Variants in OBP2A observed in about 807,000 individuals in gnomAD.
The protein encoded by OBP2A is odorant-binding protein 2a.
In OBP2A, 15 loss-of-function variants were observed where a neutral mutation model predicts 21.9. The observed-to-expected ratio is 0.69, with a 90% CI of 0.46 to 1.06. The LOEUF (loss-of-function observed/expected upper bound fraction) is 1.06, where lower values mean the gene tolerates loss of function less well. Among genes scored for constraint, OBP2A ranks in the 50% least tolerant of loss-of-function variants. The probability of loss-of-function intolerance (pLI) is 0.00; values close to 1 mark genes in which losing one functional copy is unlikely to be tolerated. For missense variants in OBP2A, 192 were observed against 220.1 expected, an observed-to-expected ratio of 0.87 and a Z score of 0.81; for synonymous variants, 86 against 91.8, an observed-to-expected ratio of 0.94 and a Z score of 0.36.
At chr9:135,549,515 G>T in intron 6 of OBP2A, 184 bp downstream of exon 6, 1 of 646,668 alleles carries the variant, frequency 1.5e-6, no homozygotes, top group Non-Finnish European at 2.6e-6. Flanking sequence ...GAAGTCCTTT[G>T]TTTTACCATT....
Position 135,547,949 on chromosome 9 carries a change from G to A in OBP2A, c.356G>A (p.Arg119His), listed in dbSNP as rs1286045397. 1.9e-5 allele frequency: 31 copies of A among 1,612,754 alleles called. No homozygotes were observed. The highest frequency in any genetic ancestry group is 1.8e-4 in the Admixed American group (11 of 59,900). The change falls in exon 4 of 7, where the codon CGT becomes CAT. Residue 119 changes from arginine (R) to histidine (H), a missense_variant. By Grantham distance (29) the Arg-to-His change is conservative. Coordinates refer to ENST00000371776, the MANE Select transcript of OBP2A (RefSeq NM_014582.3). Reference sequence around the variant, plus strand: ...GTCTTTTACTGCAAAGACCAGCGCCGTGGGGGCCTGCGCTACATGGGAAAG... The same window carrying A: ...GTCTTTTACTGCAAAGACCAGCGCCATGGGGGCCTGCGCTACATGGGAAAG... ...DYVFYCKDQR[R>H]GGLRYMGKLV...
rs890595016 is a variant in OBP2A at position 135,548,547 on chromosome 9, T to G, written c.389-161T>G. 8.5e-6 allele frequency: 8 copies of G among 944,704 alleles called. No homozygotes were observed. The Admixed American group carries it at 1.7e-4, about 20-fold the overall frequency. 58.5% of individuals were successfully genotyped at this position (944,704 alleles called of 1,614,324 possible). On this transcript the variant is annotated intron_variant, in intron 4 of 6. Transcript: ENST00000371776. ...TCCCCCTTGCCTGGTGCTGGACAGT[T>G]GCCATCTCTTCTGTCCCCAGCCCCA...
chr9:135,547,839 C>A, intron 3 of OBP2A, 32 bp from the exon 4 acceptor site: 1 of 1,485,830 alleles, frequency 6.7e-7, no homozygotes, highest in Non-Finnish European at 9.2e-7. Context: ...GGAATGAGGG[C>A]ACTGAAGACC....
Position 135,547,095 on chromosome 9 carries a change from G to A in OBP2A, c.207-83G>A, listed in dbSNP as rs909988039. Reference sequence around the variant, plus strand: ...GGGGCAGTGGAATTTTCAGGTTGCCGGGTCAGGGCCATGCACCAGGTGAGC... The same window carrying A: ...GGGGCAGTGGAATTTTCAGGTTGCCAGGTCAGGGCCATGCACCAGGTGAGC... On this transcript the variant is annotated intron_variant, in intron 2 of 6. Coordinates refer to ENST00000371776, the MANE Select transcript of OBP2A (RefSeq NM_014582.3). 261 of 1,501,754 alleles carry A rather than the reference G, an allele frequency of 1.7e-4. 12 individuals are homozygous for A. Among genetic ancestry groups the A allele is most frequent in the Middle Eastern group, 1.2e-3 (5 of 4,290 alleles). 93.0% of individuals were successfully genotyped at this position (1,501,754 alleles called of 1,614,324 possible). A position where few individuals can be genotyped will look rare whatever the true frequency, so the allele number is the denominator to read the frequency against.
Position 135,546,267 on chromosome 9 carries a change from C to T in OBP2A, c.72+15C>T, listed in dbSNP as rs374192976. On this transcript the variant is annotated intron_variant, in intron 1 of 6. Transcript: ENST00000371776. ...AGGAGGAGGATGTGAGCTGGGTTGG[C>T]GTGGGCGGATGGAGGAGCCAGGTGG... 5.2e-4 allele frequency: 779 copies of T among 1,490,080 alleles called. 6 individuals carry two copies. The African/African-American group carries it at 8.4e-3, about 16-fold the overall frequency. 92.3% of individuals were successfully genotyped at this position (1,490,080 alleles called of 1,614,324 possible).
intron 4 of OBP2A, among the ~76,000 whole-genome samples, chr9:135,548,423 G>C (rs1210398158): frequency 1.3e-5 from 2 of 148,964 alleles, no homozygotes; most frequent in Admixed American, 6.7e-5. Context: ...CTTGGACCCT[G>C]CCACTGTCCC....
At chr9:135,548,488 A>C (rs1588163785) in intron 4 of OBP2A, among the ~76,000 whole-genome samples, 1 of 150,038 alleles carries the variant, frequency 6.7e-6, no homozygotes, top group Admixed American at 6.6e-5. Flanking sequence ...CCCCAGTCCC[A>C]CCCCTGAGCT....
chr9:135,546,442 G>A (rs1364103459), intron 1 of OBP2A, among the ~76,000 whole-genome samples, 190 bp downstream of exon 1: 1 of 152,046 alleles, frequency 6.6e-6, no homozygotes, highest in African/African-American at 2.4e-5. Flanking sequence ...CAGGGCCGGA[G>A]CAGGCTCGGC....
chr9:135,547,161 T>C lies in OBP2A; in HGVS notation c.207-17T>C. On this transcript the variant is annotated splice_polypyrimidine_tract_variant and intron_variant, in intron 2 of 6. Coordinates refer to ENST00000371776, the MANE Select transcript of OBP2A (RefSeq NM_014582.3). ...TGTGTCCTGGGAGCCGCTGCCCGAG[T>C]GTCTCCTGTTTTCCAGGAGGGAGGA... is the stretch of plus-strand genomic sequence containing the variant. 1 of 1,610,882 alleles carries C rather than the reference T, an allele frequency of 6.2e-7. No individual in the cohort carries two copies.
In OBP2A at chr9:135,547,211, G is replaced by A. The variant is rs1420553370; in HGVS notation, c.240G>A (p.Leu80=). 1 of 1,613,128 alleles carries A rather than the reference G, an allele frequency of 6.2e-7. No homozygotes were observed. The highest frequency in any genetic ancestry group is 8.5e-7 in the Non-Finnish European group (1 of 1,180,000). The change falls in exon 3 of 7, where the codon CTG becomes CTA. Residue 80 remains leucine, a synonymous_variant. Coordinates refer to ENST00000371776, the MANE Select transcript of OBP2A (RefSeq NM_014582.3). Reference sequence around the variant, plus strand: ...ATCGGTGCATCCAGAAGAAAATCCTGATGCGGAAGACGGAGGAGCCTGGCA... The same window carrying A: ...ATCGGTGCATCCAGAAGAAAATCCTAATGCGGAAGACGGAGGAGCCTGGCA... ...REDRCIQKKI[L]MRKTEEPGKF... is the part of the protein sequence containing the mutation.
In OBP2A at chr9:135,548,778, G is replaced by T. The variant is rs3827835; in HGVS notation, c.459G>T (p.Ser153=). Residue 153 remains serine, a synonymous_variant, in exon 5 of 7, where the codon TCG becomes TCT. Coordinates refer to ENST00000371776, the MANE Select transcript of OBP2A (RefSeq NM_014582.3). ...AATTGGTGCAGCACAAGGGACTCTC[G>T]GAGGAGGACATTTTCATGCCCCTGC... ...FKKLVQHKGL[S]EEDIFMPLQT... is the part of the protein sequence containing the mutation. 3 of 1,613,726 alleles carry T rather than the reference G, an allele frequency of 1.9e-6. No individual in the cohort carries two copies. Among genetic ancestry groups the T allele is most frequent in the Non-Finnish European group, 1.7e-6 (2 of 1,179,710 alleles).
At position 135,548,735 on chromosome 9, in the gene OBP2A, C is replaced by G; in HGVS notation, c.416C>G (p.Ala139Gly). The change falls in exon 5 of 7, where the codon GCC (alanine) becomes GGC (glycine). Residue 139 changes from alanine to glycine, a missense_variant. Physicochemically the swap from Ala to Gly is moderately conservative, Grantham distance 60. Coordinates refer to ENST00000371776, the MANE Select transcript of OBP2A (RefSeq NM_014582.3). ...VGRNPNTNLE[A>G]LEEFKKLVQH... is the part of the protein sequence containing the mutation. ...AGGAATCCTAATACCAACCTGGAGGCCCTGGAAGAATTTAAGAAATTGGTG... is the reference window on the plus strand; with the variant it reads ...AGGAATCCTAATACCAACCTGGAGGGCCTGGAAGAATTTAAGAAATTGGTG... 6.2e-7 allele frequency: 1 copy of G among 1,614,076 alleles called. No individual in the cohort carries two copies. Among genetic ancestry groups the G allele is most frequent in the Non-Finnish European group, 8.5e-7 (1 of 1,179,934 alleles).
intron 5 of OBP2A, among the ~76,000 whole-genome samples, chr9:135,549,075 T>C (rs1361902197): frequency 1.7e-4 from 6 of 34,534 alleles, no homozygotes; most frequent in Admixed American, 2.7e-4. Context: ...GGCTCCGCGC[T>C]CTGGGCTGCG....
In OBP2A at chr9:135,549,382, C is replaced by T. The variant is rs749973872; in HGVS notation, c.*1+51C>T. The T allele has an allele frequency of 1.5e-5, 21 of 1,433,352 alleles. 3 individuals carry two copies. In the East Asian group the frequency reaches 1.9e-4, roughly 13 times the overall value. 88.8% of individuals were successfully genotyped at this position (1,433,352 alleles called of 1,614,324 possible). A position where few individuals can be genotyped will look rare whatever the true frequency, so the allele number is the denominator to read the frequency against. On this transcript the variant is annotated intron_variant, in intron 6 of 6. Coordinates refer to ENST00000371776, the MANE Select transcript of OBP2A (RefSeq NM_014582.3). ...GGACAAGCCCAGAGTCCTGGGTTCC[C>T]GGGGTTCGAGGGTACATCTGCTCTG...
Position 135,549,210 on chromosome 9 carries a change from T to C in OBP2A, c.491-98T>C. 5.8e-6 allele frequency: 6 copies of C among 1,027,400 alleles called. 2 individuals are homozygous for C. Among genetic ancestry groups the C allele is most frequent in the Non-Finnish European group, 8.8e-6 (6 of 682,386 alleles). 63.6% of individuals were successfully genotyped at this position (1,027,400 alleles called of 1,614,324 possible). ...GGGTCTGGGGCTCCGCGCTCTGGGCTGCGATGGGGTCTGGGGCTCTGAGCC... is the reference window on the plus strand; with the variant it reads ...GGGTCTGGGGCTCCGCGCTCTGGGCCGCGATGGGGTCTGGGGCTCTGAGCC... On this transcript the variant is annotated intron_variant, in intron 5 of 6. Coordinates refer to ENST00000371776, the MANE Select transcript of OBP2A (RefSeq NM_014582.3).
intron 3 of OBP2A, among the ~76,000 whole-genome samples, chr9:135,547,637 C>G (rs1333428168): frequency 6.6e-6 from 1 of 152,240 alleles, no homozygotes; most frequent in African/African-American, 2.4e-5. Flanking sequence ...AGGCCGGACT[C>G]TAGTCCTGGA....
At chr9:135,546,715 G>A (rs1240922358) in intron 1 of OBP2A, 63 bp from the exon 2 acceptor site, 131 of 1,542,484 alleles carry the variant, frequency 8.5e-5, no homozygotes, top group Non-Finnish European at 1.1e-4. Context: ...GCAGGCCTGA[G>A]TGCCAGGGTC....
intron 1 of OBP2A, among the ~76,000 whole-genome samples, chr9:135,546,564 A>G (rs1247127531): frequency 6.6e-6 from 1 of 151,560 alleles, no homozygotes; most frequent in Non-Finnish European, 1.5e-5. Context: ...GGGTGCAGAC[A>G]TGCCCTCCTT....
At chr9:135,549,779 GC>G in intron 6 of OBP2A, 57 bp from the exon 7 acceptor site, 1 of 1,112,382 alleles carries the variant, frequency 9.0e-7, no homozygotes, top group Non-Finnish European at 1.3e-6. Context: ...GGAGCTCTGG[GC>G]CTGGCCTCTG....
Sources: gnomAD v4.1 joint callset for allele counts (sites outside exome capture counted in the v4.1 genomes callset) on GRCh38, gnomAD v4.1.1 for gene constraint, MANE v1.5 for transcripts, NCBI Gene and HGNC (gene_info 2026-07-23, HGNC 2026-07-21) for gene names.